Variants in ZKSCAN2 observed in about 807,000 individuals in gnomAD.
ZKSCAN2 encodes the protein zinc finger with KRAB and SCAN domains 2.
A neutral mutation model predicts 90.5 loss-of-function variants in ZKSCAN2; 38 were observed. The ratio of observed to expected loss-of-function variants is 0.42; its 90% CI spans 0.32 to 0.55. The LOEUF (loss-of-function observed/expected upper bound fraction) is 0.55, where lower values mean the gene tolerates loss of function less well. Among genes scored for constraint, ZKSCAN2 ranks in the 20% least tolerant of loss-of-function variants. The pLI, the probability that ZKSCAN2 is intolerant of heterozygous loss-of-function variation, is 0.11. For synonymous variants in ZKSCAN2, 429 were observed against 421.6 expected, an observed-to-expected ratio of 1.02 and a Z score of -0.22; for missense variants, 1,167 against 1,202.6, an observed-to-expected ratio of 0.97 and a Z score of 0.44.
chr16:25,244,530 A>G (rs77497902), intron 5 of ZKSCAN2, among the ~76,000 whole-genome samples: 1,620 of 152,352 alleles, frequency 0.011, 25 homozygotes, highest in African/African-American at 0.035. Flanking sequence ...ATCATTTCTC[A>G]TATGAATCTA....
chr16:25,246,580 A>C lies in ZKSCAN2; in HGVS notation c.1489+127T>G, dbSNP rs577584255. The C allele has an allele frequency of 6.7e-3, 6,317 of 938,186 alleles. 153 individuals are homozygous for C. Among genetic ancestry groups the C allele is most frequent in the South Asian group, 0.057 (3,828 of 67,116 alleles). 58.1% of individuals were successfully genotyped at this position (938,186 alleles called of 1,614,324 possible). ...CTGAGAGTACTTCAGTGATGTGGCC[A>C]CACCACAGTGAAAGTGGTGAGGTGT... is the stretch of plus-strand genomic sequence containing the variant. On this transcript the variant is annotated intron_variant, in intron 5 of 6. Coordinates refer to ENST00000328086, the MANE Select transcript of ZKSCAN2 (RefSeq NM_001012981.5).
Position 25,257,358 on chromosome 16 carries a change from G to A in ZKSCAN2, c.-231C>T, listed in dbSNP as rs1963122846. ...GCCTGGCCTCTTCTCCAAACAAGAT[G>A]TGACCGCGCAATGTGGTTTTCCAGA... On this transcript the variant is annotated 5_prime_UTR_variant, in exon 1 of 7. Coordinates refer to ENST00000328086, the MANE Select transcript of ZKSCAN2 (RefSeq NM_001012981.5). 7.9e-7 allele frequency: 1 copy of A among 1,273,324 alleles called. No individual in the cohort carries two copies. The highest frequency in any genetic ancestry group is 3.9e-5 in the Admixed American group (1 of 25,876). The allele number at this position is 1,273,324 out of a possible 1,614,324, so 78.9% of individuals were successfully genotyped here. A position where few individuals can be genotyped will look rare whatever the true frequency, so the allele number is the denominator to read the frequency against.
rs1963108175 is a variant in ZKSCAN2, at chr16:25,256,746, C to T, written c.382G>A (p.Gly128Arg). Residue 128 changes from glycine to arginine, a missense_variant, in exon 1 of 7, where the codon GGA (glycine) becomes AGA (arginine). Coordinates refer to ENST00000328086, the MANE Select transcript of ZKSCAN2 (RefSeq NM_001012981.5). ...ALVVHLEKET[G>R]RLRQQVSSPV... ...TCTCTCACCTGCTGTCTTAGTCTTC[C>T]AGTCTCTTTCTCCAAATGCACTACC... 1.2e-6 allele frequency: 2 copies of T among 1,612,610 alleles called. No homozygotes were observed. The highest frequency in any genetic ancestry group is 1.7e-5 in the Admixed American group (1 of 59,630).
At chr16:25,240,774 G>A (rs1235348739) in intron 6 of ZKSCAN2, 36 bp from the exon 7 acceptor site, 2 of 1,574,030 alleles carry the variant, frequency 1.3e-6, no homozygotes, top group East Asian at 2.2e-5. Context: ...TTTTATACAA[G>A]TCTGATATTA....
At chr16:25,243,396 C>T (rs993994013) in intron 6 of ZKSCAN2, among the ~76,000 whole-genome samples, 13 of 152,162 alleles carry the variant, frequency 8.5e-5, no homozygotes, top group African/African-American at 2.4e-4. Flanking sequence ...GGCACGATCT[C>T]GGCTCACTGC....
intron 6 of ZKSCAN2, among the ~76,000 whole-genome samples, chr16:25,241,910 C>G (rs1170718645): frequency 6.6e-6 from 1 of 152,206 alleles, no homozygotes; most frequent in African/African-American, 2.4e-5. Flanking sequence ...TTTTTGGTCA[C>G]CCAGGCTGGA....
In ZKSCAN2 at chr16:25,239,919, CGATGT is replaced by C; in HGVS notation, c.2796_2800del (p.His933GlyfsTer19). 1.2e-6 allele frequency: 2 copies of C among 1,614,134 alleles called. No homozygotes were observed. The highest frequency in any genetic ancestry group is 1.7e-6 in the Non-Finnish European group (2 of 1,180,014). On this transcript the variant is annotated frameshift_variant, in exon 7 of 7. Coordinates refer to ENST00000328086, the MANE Select transcript of ZKSCAN2 (RefSeq NM_001012981.5). LOFTEE classifies it low-confidence loss of function (END_TRUNC). ...AGGCTTTTCTCTCACATGAACTTCCCGATGTTTGGTAAGAACAGAACTCTTACTGA... is the reference window on the plus strand; with the variant it reads ...AGGCTTTTCTCTCACATGAACTTCCCTTGGTAAGAACAGAACTCTTACTGA...
chr16:25,255,318 C>T lies in ZKSCAN2; in HGVS notation c.474G>A (p.Glu158=), dbSNP rs1963082853. 1.2e-6 allele frequency: 2 copies of T among 1,613,786 alleles called. No homozygotes were observed. Among genetic ancestry groups the T allele is most frequent in the South Asian group, 1.1e-5 (1 of 91,050 alleles). The change falls in exon 2 of 7, where the codon GAG becomes GAA. Residue 158 remains glutamate, a synonymous_variant. Coordinates refer to ENST00000328086, the MANE Select transcript of ZKSCAN2 (RefSeq NM_001012981.5). ...CCGCCCTGGGTTGGGTCTCCACCTG[C>T]TCTGGCTGGAAGTCTGCCACCTCCC... The part of the protein sequence containing the change: ...AAWEVADFQP[E]QVETQPRAVS...
In ZKSCAN2 at chr16:25,240,716, G is replaced by T; in HGVS notation, c.2004C>A (p.Ile668=). ...SPNDFEIGSS[I]KEDPTQIVYK... ...ATACTATCTGTGTTGGATCCTCCTT[G>T]ATGCTACTTCCGATTTCAAAATCTG... The change falls in exon 7 of 7, where the codon ATC becomes ATA. Residue 668 remains isoleucine (I), a synonymous_variant. Transcript: ENST00000328086. The T allele has an allele frequency of 6.2e-7, 1 of 1,604,588 alleles. No individual in the cohort carries two copies. Among genetic ancestry groups the T allele is most frequent in the Non-Finnish European group, 8.5e-7 (1 of 1,173,286 alleles).
At chr16:25,256,605 G>C in intron 1 of ZKSCAN2, 124 bp downstream of exon 1, 1 of 1,067,408 alleles carries the variant, frequency 9.4e-7, no homozygotes, top group Non-Finnish European at 1.3e-6. Flanking sequence ...CCCCCTTATA[G>C]GGTCTTTTAT....
Position 25,247,341 on chromosome 16 carries a change from C to A in ZKSCAN2, c.855G>T (p.Lys285Asn), listed in dbSNP as rs779116261. The change falls in exon 5 of 7, where the codon AAG becomes AAT. Residue 285 changes from lysine to asparagine, a missense_variant. Coordinates refer to ENST00000328086, the MANE Select transcript of ZKSCAN2 (RefSeq NM_001012981.5). ...AATGCAGACCTAGAGTCCATGGCTC[C>A]TTTCTCTGTTCCAACCGGGTTATCT... is the stretch of plus-strand genomic sequence containing the variant. ...SNKITRLEQR[K>N]EPWTLGLHSS... 90 of 1,612,928 alleles carry A rather than the reference C, an allele frequency of 5.6e-5. No homozygotes were observed. The Admixed American group carries it at 6.0e-4, about 11-fold the overall frequency.
At chr16:25,254,946 A>T (rs897887158) in intron 2 of ZKSCAN2, among the ~76,000 whole-genome samples, 5 of 151,620 alleles carry the variant, frequency 3.3e-5, no homozygotes, top group Non-Finnish European at 7.4e-5. Context: ...GGTGCACGCC[A>T]ACACACCTGG....
chr16:25,244,372 C>A, intron 5 of ZKSCAN2, 96 bp from the exon 6 acceptor site: 1 of 1,384,948 alleles, frequency 7.2e-7, no homozygotes, highest in East Asian at 2.3e-5. Flanking sequence ...AAAAAAAAAT[C>A]CCATTCACAG....
chr16:25,251,890 A>C lies in ZKSCAN2; in HGVS notation c.805+19T>G. On this transcript the variant is annotated intron_variant, in intron 4 of 6. Coordinates refer to ENST00000328086, the MANE Select transcript of ZKSCAN2 (RefSeq NM_001012981.5). Reference sequence around the variant, plus strand: ...AGAAAGCTCCAAGTCTTATATTTGGAAAGGGAAGGAATCCTTACCCAGGGA... The same window carrying C: ...AGAAAGCTCCAAGTCTTATATTTGGCAAGGGAAGGAATCCTTACCCAGGGA... 1 of 1,612,376 alleles carries C rather than the reference A, an allele frequency of 6.2e-7. No individual in the cohort carries two copies. Among genetic ancestry groups the C allele is most frequent in the Non-Finnish European group, 8.5e-7 (1 of 1,179,348 alleles).
At position 25,255,322 on chromosome 16, in the gene ZKSCAN2, G is replaced by A. The variant is rs1859212773; in HGVS notation, c.470C>T (p.Pro157Leu). The A allele has an allele frequency of 2.5e-6, 4 of 1,613,630 alleles. No individual in the cohort carries two copies. The African/African-American group carries it at 5.3e-5, about 22-fold the overall frequency. ...GAAWEVADFQPEQVETQPRAV... is the reference protein window; with the variant it reads ...GAAWEVADFQLEQVETQPRAV... Reference sequence around the variant, plus strand: ...CCTGGGTTGGGTCTCCACCTGCTCTGGCTGGAAGTCTGCCACCTCCCACGC... The same window carrying A: ...CCTGGGTTGGGTCTCCACCTGCTCTAGCTGGAAGTCTGCCACCTCCCACGC... The change falls in exon 2 of 7, where the codon CCA (proline) becomes CTA (leucine). Residue 157 changes from proline to leucine, a missense_variant. Transcript: ENST00000328086.
Position 25,257,327 on chromosome 16 carries a change from G to A in ZKSCAN2, c.-200C>T. ...AAAAGGTGAACGTATACTCTAAGATGCAAAAGCCTGGCCTCTTCTCCAAAC... is the reference window on the plus strand; with the variant it reads ...AAAAGGTGAACGTATACTCTAAGATACAAAAGCCTGGCCTCTTCTCCAAAC... On this transcript the variant is annotated 5_prime_UTR_variant, in exon 1 of 7. Transcript: ENST00000328086. 4 of 1,350,308 alleles carry A rather than the reference G, an allele frequency of 3.0e-6. No individual in the cohort carries two copies. The highest frequency in any genetic ancestry group is 3.8e-6 in the Non-Finnish European group (4 of 1,055,174). The allele number at this position is 1,350,308 out of a possible 1,614,324, so 83.6% of individuals were successfully genotyped here.
chr16:25,237,737 T>G lies in ZKSCAN2; in HGVS notation c.*2079A>C, dbSNP rs1045967445. The G allele has an allele frequency of 6.6e-6, 1 of 152,260 alleles. No homozygotes were observed. The highest frequency in any genetic ancestry group is 1.5e-5 in the Non-Finnish European group (1 of 68,034). The allele number at this position is 152,260 out of a possible 1,614,324, so 9.4% of individuals were successfully genotyped here. ...ACATGGCCTTACATGTAACAGTGCT[T>G]CATATTTATGAATAAGTCATCTACT... On this transcript the variant is annotated 3_prime_UTR_variant, in exon 7 of 7. Coordinates refer to ENST00000328086, the MANE Select transcript of ZKSCAN2 (RefSeq NM_001012981.5).
At chr16:25,255,827 C>CA (rs1353910534) in intron 1 of ZKSCAN2, among the ~76,000 whole-genome samples, 1 of 152,172 alleles carries the variant, frequency 6.6e-6, no homozygotes, top group African/African-American at 2.4e-5. Flanking sequence ...AGGTGATCAA[C>CA]ATGCCTCGGC....
rs754700341 is a variant in ZKSCAN2, at chr16:25,246,824, T to A, written c.1372A>T (p.Ile458Phe). 1 of 1,614,106 alleles carries A rather than the reference T, an allele frequency of 6.2e-7. No individual in the cohort carries two copies. Among genetic ancestry groups the A allele is most frequent in the African/African-American group, 1.3e-5 (1 of 74,948 alleles). Residue 458 changes from isoleucine (I) to phenylalanine (F), a missense_variant, in exon 5 of 7, where the codon ATC (isoleucine) becomes TTC (phenylalanine). Transcript: ENST00000328086. ...KRIAISAKEH[I>F]SLVEEEEAAE... ...GCTTCCTCCTCCTCCACCAAGCTGA[T>A]GTGTTCCTTAGCACTGATGGCAATT...
Sources: gnomAD v4.1 joint callset for allele counts (sites outside exome capture counted in the v4.1 genomes callset) on GRCh38, gnomAD v4.1.1 for gene constraint, MANE v1.5 for transcripts, NCBI Gene and HGNC (gene_info 2026-07-23, HGNC 2026-07-21) for gene names.